KDM6B: variants seen among roughly 807,000 people sequenced by gnomAD.
The protein encoded by KDM6B is lysine-specific demethylase 6B.
A neutral mutation model predicts 150.4 loss-of-function variants in KDM6B; 22 were observed. The observed-to-expected ratio is 0.15, with a 90% confidence interval of 0.10 to 0.21. The LOEUF (loss-of-function observed/expected upper bound fraction) is 0.21, where lower values mean the gene tolerates loss of function less well. KDM6B is among the 10% of genes least tolerant of loss of function. KDM6B has a pLI of 1.00. For missense variants in KDM6B, 1,984 were observed against 2,234.3 expected, an observed-to-expected ratio of 0.89 and a Z score of 2.26; for synonymous variants, 1,148 against 921.1, an observed-to-expected ratio of 1.25 and a Z score of -4.46.
chr17:7,846,371 G>GGGGCGGGCCCGGGGCCCCCCCCCC, intron 7 of KDM6B, 29 bp from the exon 8 acceptor site: 1 of 1,488,926 alleles, frequency 6.7e-7, no homozygotes, highest in Non-Finnish European at 9.2e-7. Flanking sequence ...CCTGACATCT[G>GGGGCGGGCCCGGGGCCCCCCCCCC]CCCCTGCCCC....
rs759301483 is a variant in KDM6B, at chr17:7,848,764, T to C, written c.2476T>C (p.Ser826Pro). 6.2e-7 allele frequency: 1 copy of C among 1,612,716 alleles called. No individual in the cohort carries two copies. The highest frequency in any genetic ancestry group is 1.7e-5 in the Admixed American group (1 of 60,004). The change falls in exon 12 of 24, where the codon TCC becomes CCC. Residue 826 changes from serine to proline, a missense_variant. Ser to Pro is a moderately conservative substitution (Grantham distance 74). Coordinates refer to ENST00000448097, the MANE Select transcript of KDM6B (RefSeq NM_001348716.2). Reference sequence around the variant, plus strand: ...TTATCGGGGGACTGGAGCAGCTGTTTCCACCCGGCCTGGGCCCTTGCCCAC... The same window carrying C: ...TTATCGGGGGACTGGAGCAGCTGTTCCCACCCGGCCTGGGCCCTTGCCCAC... Reference protein sequence around the residue: ...YCYRGTGAAVSTRPGPLPTTQ... With the variant: ...YCYRGTGAAVPTRPGPLPTTQ...
rs267605094 is a variant in KDM6B, at chr17:7,849,863, C to G, written c.3483C>G (p.Ser1161=). ...GGAAGTTTCGAGAGTCCTACCTTTC[C>G]CCTGCCCAGTCTGTGAAACCGAAGA... ...VKGKFRESYL[S]PAQSVKPKIN... Residue 1161 remains serine, a synonymous_variant, in exon 13 of 24, where the codon TCC becomes TCG. Transcript: ENST00000448097. The G allele has an allele frequency of 6.2e-7, 1 of 1,612,632 alleles. No homozygotes were observed. The highest frequency in any genetic ancestry group is 8.5e-7 in the Non-Finnish European group (1 of 1,179,754).
rs945914277 is a variant in KDM6B, at chr17:7,846,273, G to T, written c.432G>T (p.Gly144=). Residue 144 remains glycine (G), a synonymous_variant, in exon 7 of 24, where the codon GGG becomes GGT. Coordinates refer to ENST00000448097, the MANE Select transcript of KDM6B (RefSeq NM_001348716.2). ...LRYGGSFAEL[G]PRIGRLQQAQ... ...ACGGAGGAAGCTTCGCTGAGCTGGG[G>T]CCCCGCATTGGCCGACTGCAGCAGG... The T allele has an allele frequency of 1.9e-6, 3 of 1,613,416 alleles. No homozygotes were observed. In the African/African-American group the frequency reaches 4.0e-5, roughly 22 times the overall value.
In KDM6B at chr17:7,845,893, GC is replaced by G; in HGVS notation, c.164del (p.Pro55ArgfsTer143). On this transcript the variant is annotated frameshift_variant, in exon 6 of 24. Coordinates refer to ENST00000448097, the MANE Select transcript of KDM6B (RefSeq NM_001348716.2). LOFTEE classifies it high-confidence loss of function. ...CCAGATGCTCAGCCAGCATTGGGCA[GC>G]CCCCGCTTCCTGCTCCCCTACCCCC... ...GGRCSASIGQ[P>X]PLPAPLPPSH... 6.2e-7 allele frequency: 1 copy of G among 1,613,940 alleles called. No homozygotes were observed. Among genetic ancestry groups the G allele is most frequent in the Non-Finnish European group, 8.5e-7 (1 of 1,179,818 alleles).
At chr17:7,846,377 G>GGGGCCCCCCCCCCCCC in intron 7 of KDM6B, 23 bp from the exon 8 acceptor site, 6 of 1,479,442 alleles carry the variant, frequency 4.1e-6, no homozygotes, top group South Asian at 1.2e-5. Context: ...ATCTGCCCCT[G>GGGGCCCCCCCCCCCCC]CCCCGTGTCC....
chr17:7,841,657 CA>C (rs1488146352), intron 2 of KDM6B, among the ~76,000 whole-genome samples: 1 of 152,234 alleles, frequency 6.6e-6, no homozygotes, highest in Admixed American at 6.5e-5. Flanking sequence ...CGGAGACAGA[CA>C]CCGGGACCCA....
rs765773158 is a variant in KDM6B, at chr17:7,851,919, C to A, written c.4166-32C>A. 6.2e-6 allele frequency: 10 copies of A among 1,609,356 alleles called. No homozygotes were observed. In the South Asian group the frequency reaches 9.9e-5, roughly 16 times the overall value. On this transcript the variant is annotated intron_variant, in intron 18 of 23. Transcript: ENST00000448097. ...ATCGGGGATCGCAGTTCCGACCTGG[C>A]CAGCCATGCCGTTCTCTGTCGACCC...
chr17:7,845,268 G>T, intron 3 of KDM6B, 46 bp from the exon 4 acceptor site: 2 of 564,054 alleles, frequency 3.5e-6, no homozygotes, highest in Admixed American at 3.0e-5. Flanking sequence ...CCTGGGCCTT[G>T]ACTGTGTGCT....
rs982502887 is a variant in KDM6B, at chr17:7,846,949, T to C, written c.842T>C (p.Leu281Pro). The change falls in exon 10 of 24, where the codon CTG (leucine) becomes CCG (proline). Residue 281 changes from leucine (L) to proline (P), a missense_variant. Around this residue, in one of 13 missense-constraint regions of KDM6B, gnomAD observed 1,379 missense variants for 1,275.6 expected, o/e 1.08. Coordinates refer to ENST00000448097, the MANE Select transcript of KDM6B (RefSeq NM_001348716.2). ...SPPFQLTKPGLWSTLHGDAWG... is the reference protein window; with the variant it reads ...SPPFQLTKPGPWSTLHGDAWG... Reference sequence around the variant, plus strand: ...CCATTTCAGCTAACCAAGCCAGGGCTGTGGAGTACCCTGCATGGAGATGCC... The same window carrying C: ...CCATTTCAGCTAACCAAGCCAGGGCCGTGGAGTACCCTGCATGGAGATGCC... 4.4e-6 allele frequency: 6 copies of C among 1,367,082 alleles called. No individual in the cohort carries two copies. Among genetic ancestry groups the C allele is most frequent in the South Asian group, 3.4e-5 (3 of 88,250 alleles). 84.7% of individuals were successfully genotyped at this position (1,367,082 alleles called of 1,614,324 possible).
chr17:7,846,371 G>GGGCCGGGCCCGGGGGCCCCCC, intron 7 of KDM6B, 29 bp from the exon 8 acceptor site: 1 of 1,488,920 alleles, frequency 6.7e-7, no homozygotes, highest in Non-Finnish European at 9.2e-7. Flanking sequence ...CCTGACATCT[G>GGGCCGGGCCCGGGGGCCCCCC]CCCCTGCCCC....
At position 7,849,474 on chromosome 17, in the gene KDM6B, C is replaced by T; in HGVS notation, c.3186C>T (p.Pro1062=). The change falls in exon 12 of 24, where the codon CCC becomes CCT. Residue 1062 remains proline (P), a synonymous_variant. Transcript: ENST00000448097. ...CAGCTCCTGCACCTTCTGCCCAGCCCACACCCCCGTCAGCCTCTGTCCCTG... is the reference window on the plus strand; with the variant it reads ...CAGCTCCTGCACCTTCTGCCCAGCCTACACCCCCGTCAGCCTCTGTCCCTG... ...PPSAPAPSAQ[P]TPPSASVPGK... The T allele has an allele frequency of 6.2e-7, 1 of 1,612,796 alleles. No homozygotes were observed. Among genetic ancestry groups the T allele is most frequent in the Non-Finnish European group, 8.5e-7 (1 of 1,179,912 alleles).
chr17:7,850,228 A>T (rs2078664113), intron 14 of KDM6B, 51 bp downstream of exon 14: 23 of 1,439,428 alleles, frequency 1.6e-5, no homozygotes, highest in Non-Finnish European at 2.1e-5. Context: ...GGTCTGGGGC[A>T]TGTAGGACCC....
In KDM6B at chr17:7,843,194, G is replaced by A. The variant is rs2078453194; in HGVS notation, c.-268-1707G>A. Among the ~76,000 whole-genome samples the A allele has an allele frequency of 2.6e-5, 4 of 152,132 alleles. No individual in the cohort carries two copies. Among genetic ancestry groups the A allele is most frequent in the Admixed American group, 2.6e-4 (4 of 15,278 alleles). On this transcript the variant is annotated intron_variant, in intron 2 of 23. Coordinates refer to ENST00000448097, the MANE Select transcript of KDM6B (RefSeq NM_001348716.2). The surrounding 1 kb of genome is among the most constrained non-coding windows in gnomAD (Gnocchi z 4.5). Reference sequence around the variant, plus strand: ...GCTCTCGGGACCACTTCCCAAGCAGGCATCTGCCCCTCTGTTGTCTGGTTC... The same window carrying A: ...GCTCTCGGGACCACTTCCCAAGCAGACATCTGCCCCTCTGTTGTCTGGTTC...
rs778132012 is a variant in KDM6B at position 7,847,675 on chromosome 17, C to T, written c.1387C>T (p.Pro463Ser). ...TGCCACTCCCCACCTATCCCTGCCA[C>T]CTGGACCTTCCTCACCCCCTCCACC... ...PAATPHLSLP[P>S]GPSSPPPPPC... is the part of the protein sequence containing the mutation. The change falls in exon 12 of 24, where the codon CCT becomes TCT. Residue 463 changes from proline to serine, a missense_variant. Physicochemically the swap from Pro to Ser is moderately conservative, Grantham distance 74. Around this residue, in one of 13 missense-constraint regions of KDM6B, gnomAD observed 1,379 missense variants for 1,275.6 expected, o/e 1.08. Transcript: ENST00000448097. 6.9e-6 allele frequency: 11 copies of T among 1,596,624 alleles called. No homozygotes were observed. Among genetic ancestry groups the T allele is most frequent in the Non-Finnish European group, 9.4e-6 (11 of 1,171,632 alleles).
Position 7,848,251 on chromosome 17 carries a change from C to T in KDM6B, c.1963C>T (p.Pro655Ser), listed in dbSNP as rs753884406. The stretch of plus-strand genomic sequence containing the variant: ...AGGCCCCCTGAGTAAAGCCCCCCAG[C>T]CTGTGCCGCCCGGGGTTGGGGAGCT... ...PPGPLSKAPQ[P>S]VPPGVGELPA... Residue 655 changes from proline to serine, a missense_variant, in exon 12 of 24, where the codon CCT (proline) becomes TCT (serine). By Grantham distance (74) the Pro-to-Ser change is moderately conservative. Coordinates refer to ENST00000448097, the MANE Select transcript of KDM6B (RefSeq NM_001348716.2). 2 of 1,612,284 alleles carry T rather than the reference C, an allele frequency of 1.2e-6. No homozygotes were observed. The highest frequency in any genetic ancestry group is 1.1e-5 in the South Asian group (1 of 91,078).
Position 7,847,400 on chromosome 17 carries a change from G to C in KDM6B, c.1205G>C (p.Ser402Thr). The C allele has an allele frequency of 3.1e-6, 5 of 1,613,432 alleles. No homozygotes were observed. In the South Asian group the frequency reaches 5.5e-5, roughly 18 times the overall value. The stretch of plus-strand genomic sequence containing the variant: ...CCCGGCACCACCACCAGCAGCAGCA[G>C]TAGCAGCAGCAGCAACACTGGTCTC... ...GLPGTTTSSS[S>T]SSSSNTGLRG... The change falls in exon 11 of 24, where the codon AGT (serine) becomes ACT (threonine). Residue 402 changes from serine to threonine, a missense_variant. Around this residue, in one of 13 missense-constraint regions of KDM6B, gnomAD observed 1,379 missense variants for 1,275.6 expected, o/e 1.08. Transcript: ENST00000448097.
chr17:7,853,552 C>CGCAAG lies in KDM6B; in HGVS notation c.*34_*38dup. ...GACGCCCCGCCCGCCTGCCTGCCCGCGCAAGGCGCCGCGGGGCCACCAGCA... is the reference window on the plus strand; with the variant it reads ...GACGCCCCGCCCGCCTGCCTGCCCGCGCAAGGCAAGGCGCCGCGGGGCCACCAGCA... On this transcript the variant is annotated 3_prime_UTR_variant, in exon 24 of 24. Transcript: ENST00000448097. 1 of 1,407,860 alleles carries CGCAAG rather than the reference C, an allele frequency of 7.1e-7. No individual in the cohort carries two copies. Among genetic ancestry groups the CGCAAG allele is most frequent in the Non-Finnish European group, 9.2e-7 (1 of 1,081,374 alleles). The allele number at this position is 1,407,860 out of a possible 1,614,324, so 87.2% of individuals were successfully genotyped here. A position where few individuals can be genotyped will look rare whatever the true frequency, so the allele number is the denominator to read the frequency against.
Position 7,847,538 on chromosome 17 carries a change from A to G in KDM6B, c.1258-8A>G. 2 of 1,612,912 alleles carry G rather than the reference A, an allele frequency of 1.2e-6. No individual in the cohort carries two copies. Among genetic ancestry groups the G allele is most frequent in the South Asian group, 1.1e-5 (1 of 91,056 alleles). ...CAATGCTCCTACCACCTGCTTCTAC[A>G]CTTGCAGCCCGGCGCTGACCATTAC... On this transcript the variant is annotated splice_polypyrimidine_tract_variant and splice_region_variant and intron_variant, in intron 11 of 23. Transcript: ENST00000448097.
Position 7,851,478 on chromosome 17 carries a change from C to T in KDM6B, c.3945C>T (p.Ser1315=). The T allele has an allele frequency of 6.2e-7, 1 of 1,614,216 alleles. No homozygotes were observed. Among genetic ancestry groups the T allele is most frequent in the Non-Finnish European group, 8.5e-7 (1 of 1,180,038 alleles). ...CAACCTGTGCTCTTCGCCCCAGCAG[C>T]AGCGCACCAGACCCGAAGAACCATC... is the stretch of plus-strand genomic sequence containing the variant. The part of the protein sequence containing the change: ...EPDSTTGTPP[S]SAPDPKNHHI... The change falls in exon 17 of 24, where the codon AGC becomes AGT. Residue 1315 remains serine, a splice_region_variant and synonymous_variant. Coordinates refer to ENST00000448097, the MANE Select transcript of KDM6B (RefSeq NM_001348716.2).
Sources: gnomAD v4.1 joint callset for allele counts (sites outside exome capture counted in the v4.1 genomes callset) on GRCh38, gnomAD v4.1.1 for gene constraint, gnomAD v4.1.1 regional missense constraint, Gnocchi (gnomAD v3.1) non-coding constraint, MANE v1.5 for transcripts, NCBI Gene and HGNC (gene_info 2026-07-23, HGNC 2026-07-21) for gene names.